The following AGBL1 variants were observed in gnomAD, a reference collection of about 807,000 sequenced individuals.
AGBL1 encodes AGBL carboxypeptidase 1, also known as cytosolic carboxypeptidase 4.
In AGBL1, 130 loss-of-function variants were observed where a neutral mutation model predicts 118.9. The ratio of observed to expected loss-of-function variants is 1.09; its 90% confidence interval spans 0.95 to 1.26. AGBL1 has a LOEUF of 1.26. Among genes scored for constraint, AGBL1 ranks in the 50% most tolerant of loss-of-function variants. The pLI, the probability that AGBL1 is intolerant of heterozygous loss-of-function variation, is 0.00. For missense variants in AGBL1, 1,584 were observed against 1,298.1 expected, an observed-to-expected ratio of 1.22 and a Z score of -3.38; for synonymous variants, 555 against 478.9, an observed-to-expected ratio of 1.16 and a Z score of -2.08.
chr15:86,392,421 T>C (rs564255858), intron 17 of AGBL1, among the ~76,000 whole-genome samples: 23 of 152,324 alleles, frequency 1.5e-4, no homozygotes, highest in South Asian at 4.1e-4. Flanking sequence ...TCCTGATGAA[T>C]GTCCCTGATG....
intron 22 of AGBL1, among the ~76,000 whole-genome samples, chr15:86,689,402 A>C (rs1437043869): frequency 2.0e-5 from 3 of 152,140 alleles, no homozygotes; most frequent in Non-Finnish European, 4.4e-5. Flanking sequence ...GGGAGAAGGA[A>C]TTTTATCTGT....
chr15:86,740,658 G>A lies in AGBL1; in HGVS notation c.3158+66222G>A, dbSNP rs529399299. On this transcript the variant is annotated intron_variant, in intron 22 of 22. Transcript: ENST00000614907. ...ATTAGTAGACAGTGTGATTACATCC[G>A]TTCAGAAATGGCTTCATGGGGAGCT... 3.7e-4 allele frequency among the ~76,000 whole-genome samples: 56 copies of A among 152,240 alleles called. 1 individual carries two copies. In the South Asian group the frequency reaches 5.8e-3, roughly 16 times the overall value.
chr15:86,985,624 A>AT (rs35823170), intron 23 of AGBL1, among the ~76,000 whole-genome samples: 119,652 of 150,486 alleles, frequency 0.8, 48,046 homozygotes, highest in South Asian at 0.94. Flanking sequence ...TTTTGTTCCA[A>AT]TTTTTTTTTT....
chr15:86,798,606 C>T (rs2078606805), intron 22 of AGBL1, among the ~76,000 whole-genome samples: 1 of 151,600 alleles, frequency 6.6e-6, no homozygotes, highest in African/African-American at 2.4e-5. Context: ...TGTTTTTTAA[C>T]AACTATGTTT....
intron 17 of AGBL1, among the ~76,000 whole-genome samples, chr15:86,373,494 A>G (rs560649312): frequency 2.0e-4 from 31 of 152,284 alleles, no homozygotes; most frequent in African/African-American, 6.7e-4. Flanking sequence ...AGAAAGTTCT[A>G]TGTGTCAGAG....
chr15:86,104,543 T>G (rs1321472876), intron 1 of AGBL1, among the ~76,000 whole-genome samples: 1 of 152,072 alleles, frequency 6.6e-6, no homozygotes, highest in East Asian at 1.9e-4. Context: ...TGGCTGTATG[T>G]GGGGGAGTCT....
intron 17 of AGBL1, chr15:86,296,143 G>A (rs2079634598): frequency 2.0e-5 from 3 of 150,004 alleles, no homozygotes; most frequent in Admixed American, 1.3e-4. Flanking sequence ...GCATATGTGC[G>A]ACTGACCTGT....
At chr15:86,959,168 T>G (rs1309890199) in intron 23 of AGBL1, among the ~76,000 whole-genome samples, 1 of 152,162 alleles carries the variant, frequency 6.6e-6, no homozygotes, top group African/African-American at 2.4e-5. Context: ...TAGTTTAGTA[T>G]TTATTAATCT....
At chr15:86,839,391 C>T (rs554855049) in intron 22 of AGBL1, among the ~76,000 whole-genome samples, 7 of 152,298 alleles carry the variant, frequency 4.6e-5, no homozygotes, top group Admixed American at 1.3e-4. Context: ...TAGGGGCCCT[C>T]ATCCTCTGAA....
chr15:86,847,685 C>T (rs999619756), intron 22 of AGBL1, among the ~76,000 whole-genome samples: 1 of 152,202 alleles, frequency 6.6e-6, no homozygotes, highest in Non-Finnish European at 1.5e-5. Flanking sequence ...CACAGTCAGA[C>T]CCATCCATCT....
At chr15:86,473,222 G>A (rs951663424) in intron 18 of AGBL1, among the ~76,000 whole-genome samples, 7 of 152,172 alleles carry the variant, frequency 4.6e-5, no homozygotes, top group South Asian at 2.1e-4. Flanking sequence ...AACCCAGAAT[G>A]GGACCCTGAT....
intron 22 of AGBL1, among the ~76,000 whole-genome samples, chr15:86,733,784 T>C (rs1446559636): frequency 2.6e-5 from 4 of 152,166 alleles, no homozygotes; most frequent in Non-Finnish European, 5.9e-5. Context: ...TAAACAGGAA[T>C]TGGCAAATGT....
chr15:86,173,632 T>C (rs2080308738), intron 5 of AGBL1, among the ~76,000 whole-genome samples: 1 of 152,088 alleles, frequency 6.6e-6, no homozygotes, highest in African/African-American at 2.4e-5. Context: ...TGCCGAGAGG[T>C]AGGGGTCTAG....
chr15:86,472,537 T>C (rs969267957), intron 18 of AGBL1, among the ~76,000 whole-genome samples: 2 of 152,244 alleles, frequency 1.3e-5, no homozygotes, highest in African/African-American at 4.8e-5. Flanking sequence ...AGTATTACAG[T>C]ATGTTTGTTA....
chr15:86,259,039 G>C (rs2078941841), intron 9 of AGBL1, among the ~76,000 whole-genome samples: 1 of 152,164 alleles, frequency 6.6e-6, no homozygotes. Context: ...ATAAGCAGTG[G>C]GATATAGTTT....
chr15:86,271,641 T>C lies in AGBL1; in HGVS notation c.2010T>C (p.Ser670=). The C allele has an allele frequency of 6.2e-7, 1 of 1,612,762 alleles. No homozygotes were observed. Among genetic ancestry groups the C allele is most frequent in the South Asian group, 1.1e-5 (1 of 91,054 alleles). Residue 670 remains serine, a synonymous_variant, in exon 15 of 23, where the codon TCT becomes TCC. Coordinates refer to ENST00000614907, the MANE Select transcript of AGBL1 (RefSeq NM_001386094.1). Reference sequence around the variant, plus strand: ...TAGGGATGCAGCCCACCCTATATTCTGTGAAGGAGGCTCTTCTTGGCAAAC... The same window carrying C: ...TAGGGATGCAGCCCACCCTATATTCCGTGAAGGAGGCTCTTCTTGGCAAAC... ...FNYGMQPTLY[S]VKEALLGKPT...
At chr15:86,676,454 A>C (rs2085848969) in intron 22 of AGBL1, among the ~76,000 whole-genome samples, 1 of 152,150 alleles carries the variant, frequency 6.6e-6, no homozygotes, top group African/African-American at 2.4e-5. Context: ...CAGAGAGAAA[A>C]ATTTATAAAA....
At chr15:86,646,778 T>TG (rs1204887661) in intron 21 of AGBL1, among the ~76,000 whole-genome samples, 3 of 152,202 alleles carry the variant, frequency 2.0e-5, no homozygotes, top group African/African-American at 7.2e-5. Flanking sequence ...TAAATAACGT[T>TG]GAGAAAATGG....
intron 18 of AGBL1, among the ~76,000 whole-genome samples, chr15:86,443,358 G>A (rs1177519309): frequency 5.9e-5 from 9 of 152,044 alleles, no homozygotes; most frequent in African/African-American, 1.7e-4. Context: ...ACATACTTAC[G>A]GGGTATGTGA....
Sources: allele counts gnomAD v4.1 joint callset (sites outside exome capture counted in the v4.1 genomes callset), GRCh38; gene constraint gnomAD v4.1.1; transcripts MANE v1.5; gene names NCBI Gene and HGNC (gene_info 2026-07-23, HGNC 2026-07-21).